The following MAD1L1 variants were observed in gnomAD, a reference collection of about 807,000 sequenced individuals.
MAD1L1 encodes mitotic arrest deficient 1 like 1.
In MAD1L1, 95 loss-of-function variants were observed where a neutral mutation model predicts 96.9. The observed-to-expected ratio is 0.98, with a 90% CI of 0.83 to 1.16. MAD1L1 has a LOEUF of 1.16. Ranked by LOEUF, MAD1L1 falls within the 50% of genes most tolerant of loss-of-function variation. MAD1L1 has a pLI of 0.00. For missense variants in MAD1L1, 1,007 were observed against 954.4 expected, an observed-to-expected ratio of 1.06 and a Z score of -0.73; for synonymous variants, 473 against 396.6, an observed-to-expected ratio of 1.19 and a Z score of -2.29.
chr7:2,180,031 C>G (rs1039740939), intron 10 of MAD1L1, among the ~76,000 whole-genome samples: 4 of 152,160 alleles, frequency 2.6e-5, no homozygotes, highest in Admixed American at 2.6e-4. Flanking sequence ...CCCCTAATCT[C>G]TCCCAGGGCA....
At chr7:2,202,613 C>G (rs1472207691) in intron 10 of MAD1L1, among the ~76,000 whole-genome samples, 1 of 152,210 alleles carries the variant, frequency 6.6e-6, no homozygotes. Flanking sequence ...AGGCCAAACG[C>G]TTCTCCCCCT....
chr7:1,958,466 C>T (rs1779819586), intron 15 of MAD1L1, among the ~76,000 whole-genome samples: 1 of 152,198 alleles, frequency 6.6e-6, no homozygotes, highest in Non-Finnish European at 1.5e-5. Context: ...CGCACAGGGA[C>T]AGGAGCAGGG....
chr7:2,132,225 C>G (rs1387665628), intron 11 of MAD1L1, among the ~76,000 whole-genome samples: 1 of 152,178 alleles, frequency 6.6e-6, no homozygotes, highest in Non-Finnish European at 1.5e-5. Flanking sequence ...TCTCATCTAC[C>G]CTTCAGCCCC....
intron 17 of MAD1L1, among the ~76,000 whole-genome samples, chr7:1,899,816 C>G (rs950040118): frequency 6.6e-6 from 1 of 152,124 alleles, no homozygotes; most frequent in Non-Finnish European, 1.5e-5. Context: ...TTAAGGTGGA[C>G]GATGCAGTCC....
intron 16 of MAD1L1, among the ~76,000 whole-genome samples, chr7:1,940,935 C>CCAGGCCTCACCCTCCTCTTCCCCCCCCCG (rs1778932509): frequency 1.1e-5 from 1 of 93,864 alleles, no homozygotes; most frequent in African/African-American, 4.1e-5. Context: ...CCCTCCTCCC[C>CCAGGCCTCACCCTCCTCTTCCCCCCCCCG]CAGGCCTCAC....
At chr7:2,166,901 G>C (rs1172680988) in intron 10 of MAD1L1, among the ~76,000 whole-genome samples, 2 of 152,224 alleles carry the variant, frequency 1.3e-5, no homozygotes, top group African/African-American at 4.8e-5. Flanking sequence ...CTACACACCT[G>C]GGCGGCGCAC....
chr7:2,088,397 T>C lies in MAD1L1; in HGVS notation c.1074-19059A>G, dbSNP rs1488040720. On this transcript the variant is annotated intron_variant, in intron 11 of 18. Coordinates refer to ENST00000265854, the MANE Select transcript of MAD1L1 (RefSeq NM_001013836.2). This position sits in a 1 kb window ranked among gnomAD's most constrained non-coding sequence, Gnocchi z 4.4. ...CTTCTGGCCCACACTGAGCCACCTA[T>C]TCCCACCACAGCCCCCGCCCCGCTC... Among the ~76,000 whole-genome samples the C allele has an allele frequency of 1.3e-5, 2 of 152,098 alleles. No individual in the cohort carries two copies. Among genetic ancestry groups the C allele is most frequent in the African/African-American group, 2.4e-5 (1 of 41,428 alleles).
intron 18 of MAD1L1, chr7:1,838,651 C>T (rs147143505): frequency 4.9e-4 from 205 of 418,628 alleles, no homozygotes; most frequent in African/African-American, 3.2e-3. Flanking sequence ...ACACAGACAG[C>T]GGCTGCCGAC....
At chr7:2,220,912 G>C in intron 5 of MAD1L1, 1 of 1,612,030 alleles carries the variant, frequency 6.2e-7, no homozygotes, top group Non-Finnish European at 8.5e-7. Flanking sequence ...CCAGATGCAG[G>C]GCCGAGCCCA....
intron 18 of MAD1L1, among the ~76,000 whole-genome samples, chr7:1,866,454 T>C (rs111846182): frequency 0.039 from 3,362 of 85,426 alleles, 110 homozygotes; most frequent in African/African-American, 0.19. Flanking sequence ...AACAAAGGGC[T>C]GAAGCAAGAG....
intron 18 of MAD1L1, among the ~76,000 whole-genome samples, chr7:1,839,400 C>T (rs1441837410): frequency 2.0e-5 from 3 of 151,604 alleles, no homozygotes; most frequent in Non-Finnish European, 4.4e-5. Context: ...ATCCTGCCCA[C>T]CCGGTGCCAT....
At chr7:2,019,902 G>C (rs1201336536) in intron 12 of MAD1L1, among the ~76,000 whole-genome samples, 2 of 152,176 alleles carry the variant, frequency 1.3e-5, no homozygotes, top group Admixed American at 6.5e-5. Context: ...CCCTAAACGA[G>C]GTTTTTTTTT....
At chr7:1,901,026 C>T (rs1169539737) in intron 17 of MAD1L1, among the ~76,000 whole-genome samples, 2 of 152,082 alleles carry the variant, frequency 1.3e-5, no homozygotes, top group African/African-American at 2.4e-5. Flanking sequence ...GACAGACAAA[C>T]CCAGGGCCCT....
At chr7:2,000,322 C>T (rs889384310) in intron 14 of MAD1L1, among the ~76,000 whole-genome samples, 9 of 152,184 alleles carry the variant, frequency 5.9e-5, no homozygotes, top group Admixed American at 3.3e-4. Context: ...TCTCCCACCC[C>T]GGCCTGCCAC....
chr7:2,120,146 CCT>C (rs940541705), intron 11 of MAD1L1, among the ~76,000 whole-genome samples: 2 of 152,234 alleles, frequency 1.3e-5, no homozygotes, highest in African/African-American at 4.8e-5. Flanking sequence ...GCCACCTCCC[CCT>C]CTCTTGGCCC....
intron 10 of MAD1L1, among the ~76,000 whole-genome samples, chr7:2,192,224 G>T (rs1384975977): frequency 1.3e-5 from 2 of 151,474 alleles, no homozygotes; most frequent in Non-Finnish European, 2.9e-5. Context: ...TCTACCTCCT[G>T]GGTTCAAGCG....
intron 17 of MAD1L1, among the ~76,000 whole-genome samples, chr7:1,907,210 C>G (rs1008242455): frequency 5.3e-5 from 8 of 152,218 alleles, no homozygotes; most frequent in Admixed American, 2.6e-4. Context: ...TGCCCCTGTC[C>G]CACGGTCCCC....
At position 2,114,301 on chromosome 7, in the gene MAD1L1, G is replaced by A. The variant is rs192284993; in HGVS notation, c.1073+34851C>T. Among the ~76,000 whole-genome samples, 1 of 152,308 alleles carries A rather than the reference G, an allele frequency of 6.6e-6. No homozygotes were observed. Among genetic ancestry groups the A allele is most frequent in the African/African-American group, 2.4e-5 (1 of 41,562 alleles). ...GGCCATCTCAACACACCTCGGGCGG[G>A]AGAGCCCTGAGCCAGCCCACGGTCT... On this transcript the variant is annotated intron_variant, in intron 11 of 18. Coordinates refer to ENST00000265854, the MANE Select transcript of MAD1L1 (RefSeq NM_001013836.2). This position sits in a 1 kb window ranked among gnomAD's most constrained non-coding sequence, Gnocchi z 4.2.
chr7:1,970,331 C>CATT (rs1554313149), intron 15 of MAD1L1, among the ~76,000 whole-genome samples: 1 of 116,516 alleles, frequency 8.6e-6, no homozygotes, highest in Admixed American at 9.0e-5. Context: ...TTAATTTTTA[C>CATT]TTTTTTTTTT....
Sources: allele counts gnomAD v4.1 joint callset (sites outside exome capture counted in the v4.1 genomes callset), GRCh38; gene constraint gnomAD v4.1.1; non-coding constraint Gnocchi (gnomAD v3.1); transcripts MANE v1.5; gene names NCBI Gene and HGNC (gene_info 2026-07-23, HGNC 2026-07-21).